The following ACAP2 variants were observed in gnomAD, a reference collection of about 807,000 sequenced individuals.
The protein encoded by ACAP2 is arf-GAP with coiled-coil, ANK repeat and PH domain-containing protein 2.
In ACAP2, 39 loss-of-function variants were observed where a neutral mutation model predicts 115.8. The observed-to-expected ratio is 0.34, with a 90% confidence interval of 0.26 to 0.44. ACAP2 has a LOEUF of 0.44. Ranked by LOEUF, ACAP2 falls within the 20% of genes least tolerant of loss-of-function variation. The pLI, the probability that ACAP2 is intolerant of heterozygous loss-of-function variation, is 1.00. For synonymous variants in ACAP2, 289 were observed against 315.8 expected (o/e 0.92, Z 0.90); for missense variants, 662 against 927.6 (o/e 0.71, Z 3.72).
intron 4 of ACAP2, among the ~76,000 whole-genome samples, chr3:195,352,478 C>T (rs1421254252): frequency 1.3e-5 from 2 of 152,164 alleles, no homozygotes; most frequent in East Asian, 1.9e-4. Context: ...AAATAGTAAA[C>T]ATTTAAGCAT....
intron 4 of ACAP2, among the ~76,000 whole-genome samples, chr3:195,365,463 C>A (rs1368586037): frequency 6.6e-6 from 1 of 151,994 alleles, no homozygotes; most frequent in African/African-American, 2.4e-5. Context: ...ATTATCAGGG[C>A]ATTGTGGCAT....
At chr3:195,294,406 C>T (rs948273319) in intron 18 of ACAP2, among the ~76,000 whole-genome samples, 3 of 150,448 alleles carry the variant, frequency 2.0e-5, no homozygotes, top group African/African-American at 7.3e-5. Flanking sequence ...GGTGAAACCT[C>T]GTCCCTACTA....
At chr3:195,431,027 G>C (rs956507740) in intron 1 of ACAP2, among the ~76,000 whole-genome samples, 1 of 152,010 alleles carries the variant, frequency 6.6e-6, no homozygotes, top group East Asian at 1.9e-4. Flanking sequence ...CCCCATATCC[G>C]TTAGCAACCA....
At chr3:195,291,963 A>G in intron 19 of ACAP2, 148 bp from the exon 20 acceptor site, 1 of 679,390 alleles carries the variant, frequency 1.5e-6, no homozygotes, top group Non-Finnish European at 2.3e-6. Context: ...CAGCCAAGGC[A>G]GAGAAATTAT....
At chr3:195,327,454 T>C (rs963030361) in intron 8 of ACAP2, among the ~76,000 whole-genome samples, 3 of 152,182 alleles carry the variant, frequency 2.0e-5, no homozygotes, top group African/African-American at 7.2e-5. Flanking sequence ...AAGATGCTTC[T>C]TCATGTTTTC....
intron 1 of ACAP2, among the ~76,000 whole-genome samples, chr3:195,414,547 G>T (rs144170572): frequency 1.3e-5 from 2 of 152,284 alleles, no homozygotes; most frequent in African/African-American, 4.8e-5. Flanking sequence ...TCTTTCACTA[G>T]GTGAATGGAT....
intron 11 of ACAP2, among the ~76,000 whole-genome samples, 169 bp from the exon 12 acceptor site, chr3:195,307,492 T>C (rs142160289): frequency 2.3e-4 from 35 of 152,348 alleles, no homozygotes; most frequent in Non-Finnish European, 4.7e-4. Context: ...TTTGTCCTGT[T>C]AATAACTGTA....
At position 195,345,335 on chromosome 3, in the gene ACAP2, ATAT is replaced by A. The variant is rs758833139; in HGVS notation, c.286-21_286-19del. 3.4e-6 allele frequency: 5 copies of A among 1,488,726 alleles called. No individual in the cohort carries two copies. The South Asian group carries it at 5.7e-5, about 17-fold the overall frequency. The allele number at this position is 1,488,726 out of a possible 1,614,324, so 92.2% of individuals were successfully genotyped here. On this transcript the variant is annotated intron_variant, in intron 4 of 22. Coordinates refer to ENST00000326793, the MANE Select transcript of ACAP2 (RefSeq NM_012287.6). ...AACAGGATCTAAAAAATAAAATGTA[ATAT>A]TAAGTGATTAGAAAAGTAAACAAAA...
In ACAP2 at chr3:195,306,558, G is replaced by A; in HGVS notation, c.1069C>T (p.Gln357Ter). 6.2e-7 allele frequency: 1 copy of A among 1,613,296 alleles called. No individual in the cohort carries two copies. The highest frequency in any genetic ancestry group is 8.5e-7 in the Non-Finnish European group (1 of 1,179,688). Residue 357 changes from glutamine to a stop codon, truncating the protein, a stop_gained, in exon 13 of 23, where the codon CAG becomes TAG. Transcript: ENST00000326793. LOFTEE classifies it high-confidence loss of function. Reference sequence around the variant, plus strand: ...CTATAAGCAGTAGCAATACTGGTCTGAACAGCCTTAATCCATGCCTGGCGC... The same window carrying A: ...CTATAAGCAGTAGCAATACTGGTCTAAACAGCCTTAATCCATGCCTGGCGC... ...KLRQAWIKAV[Q>*]TSIATAYREK...
chr3:195,292,130 T>G, intron 19 of ACAP2, 135 bp downstream of exon 19: 2 of 1,119,482 alleles, frequency 1.8e-6, no homozygotes, highest in Non-Finnish European at 2.4e-6. Context: ...CCACTACTAT[T>G]AATAGCACAG....
At chr3:195,339,400 T>C (rs4677828) in intron 6 of ACAP2, among the ~76,000 whole-genome samples, 46,767 of 151,424 alleles carry the variant, frequency 0.31, 8,363 homozygotes, top group East Asian at 0.82. Flanking sequence ...TTGATATGTC[T>C]TTTTTTCTAT....
At chr3:195,293,286 C>T (rs983357367) in intron 18 of ACAP2, among the ~76,000 whole-genome samples, 16 of 152,210 alleles carry the variant, frequency 1.1e-4, no homozygotes, top group African/African-American at 3.9e-4. Flanking sequence ...ATTGGCACTA[C>T]AAGCACTTCA....
At chr3:195,407,123 A>T (rs182716366) in intron 1 of ACAP2, among the ~76,000 whole-genome samples, 12 of 152,232 alleles carry the variant, frequency 7.9e-5, no homozygotes, top group African/African-American at 2.9e-4. Context: ...AATATAAAAA[A>T]ATGCAGTTAA....
intron 8 of ACAP2, among the ~76,000 whole-genome samples, chr3:195,329,584 T>G (rs529910463): frequency 3.3e-5 from 5 of 152,288 alleles, no homozygotes; most frequent in South Asian, 2.1e-4. Flanking sequence ...ACAACTTCTT[T>G]AAAATATTAC....
At position 195,437,421 on chromosome 3, in the gene ACAP2, TCA is replaced by T. The variant is rs1715629215; in HGVS notation, c.53+5372_53+5373del. Reference sequence around the variant, plus strand: ...TCTTCCAGGACCACCATGTGAAAGTTCACCATTAAGAAAGTCAATTACTAGCA... The same window carrying T: ...TCTTCCAGGACCACCATGTGAAAGTTCCATTAAGAAAGTCAATTACTAGCA... On this transcript the variant is annotated intron_variant, in intron 1 of 22. Transcript: ENST00000326793. Among the ~76,000 whole-genome samples the T allele has an allele frequency of 2.0e-5, 3 of 152,162 alleles. No homozygotes were observed. In the South Asian group the frequency reaches 6.2e-4, roughly 32 times the overall value.
At chr3:195,347,250 G>T (rs1481651547) in intron 4 of ACAP2, among the ~76,000 whole-genome samples, 1 of 151,960 alleles carries the variant, frequency 6.6e-6, no homozygotes, top group African/African-American at 2.4e-5. Context: ...TAAAACCAAC[G>T]AAAAGAGAAC....
chr3:195,332,950 C>G, intron 8 of ACAP2, 78 bp downstream of exon 8: 1 of 1,056,602 alleles, frequency 9.5e-7, no homozygotes, highest in Non-Finnish European at 1.4e-6. Context: ...AACTAGTACA[C>G]CTCCAATATG....
rs1371265233 is a variant in ACAP2 at position 195,376,126 on chromosome 3, G to A, written c.285+4883C>T. Among the ~76,000 whole-genome samples, 4 of 152,116 alleles carry A rather than the reference G, an allele frequency of 2.6e-5. No homozygotes were observed. In the South Asian group the frequency reaches 6.2e-4, roughly 24 times the overall value. Reference sequence around the variant, plus strand: ...ATATGCATTAAGGCCAAGTGCAGTGGCTCACACCTGTAATCCTAGCACTTT... The same window carrying A: ...ATATGCATTAAGGCCAAGTGCAGTGACTCACACCTGTAATCCTAGCACTTT... On this transcript the variant is annotated intron_variant, in intron 4 of 22. Transcript: ENST00000326793.
At chr3:195,426,491 G>C (rs957145805) in intron 1 of ACAP2, among the ~76,000 whole-genome samples, 3 of 152,144 alleles carry the variant, frequency 2.0e-5, no homozygotes, top group Admixed American at 6.6e-5. Flanking sequence ...AGTAACCTAA[G>C]AGTGTTATCA....
Sources: gnomAD v4.1 joint callset for allele counts (sites outside exome capture counted in the v4.1 genomes callset) on GRCh38, gnomAD v4.1.1 for gene constraint, MANE v1.5 for transcripts, NCBI Gene and HGNC (gene_info 2026-07-23, HGNC 2026-07-21) for gene names.